Variants in FOXN3 observed in about 807,000 individuals in gnomAD.
FOXN3 encodes the protein forkhead box N3.
FOXN3 carries 7 observed loss-of-function variants against 38.4 expected under a neutral mutation model. The observed-to-expected ratio is 0.18, with a 90% confidence interval of 0.10 to 0.34. The LOEUF (loss-of-function observed/expected upper bound fraction) is 0.34. Ranked by LOEUF, FOXN3 falls within the 10% of genes least tolerant of loss-of-function variation. FOXN3 has a pLI of 1.00. For synonymous variants in FOXN3, 230 were observed against 242.2 expected (o/e 0.95, Z 0.47); for missense variants, 456 against 613.4 (o/e 0.74, Z 2.71).
chr14:89,423,117 T>C (rs1167260785), intron 1 of FOXN3, among the ~76,000 whole-genome samples: 2 of 152,166 alleles, frequency 1.3e-5, no homozygotes, highest in Non-Finnish European at 2.9e-5. Context: ...ACACGGCACC[T>C]GCCCTCAGGG....
intron 1 of FOXN3, among the ~76,000 whole-genome samples, chr14:89,551,621 T>C (rs1221227530): frequency 1.3e-5 from 2 of 152,114 alleles, no homozygotes; most frequent in Non-Finnish European, 2.9e-5. Flanking sequence ...CTCTAGGGCT[T>C]CTGGACGAGT....
intron 1 of FOXN3, among the ~76,000 whole-genome samples, chr14:89,518,881 G>A (rs1894262380): frequency 6.6e-6 from 1 of 152,146 alleles, no homozygotes; most frequent in Non-Finnish European, 1.5e-5. Context: ...CCAGCATGGT[G>A]GTGGGCACCT....
chr14:89,166,444 C>A (rs190595949), intron 5 of FOXN3, among the ~76,000 whole-genome samples: 1 of 152,204 alleles, frequency 6.6e-6, no homozygotes. Flanking sequence ...ACCCAAGTCC[C>A]TATTGGAACA....
intron 1 of FOXN3, among the ~76,000 whole-genome samples, chr14:89,436,894 C>A (rs1486202882): frequency 6.6e-6 from 1 of 152,172 alleles, no homozygotes; most frequent in Non-Finnish European, 1.5e-5. Context: ...CACCTGTAAT[C>A]CCAGCATTTT....
chr14:89,463,346 C>G (rs1255394995), intron 1 of FOXN3, among the ~76,000 whole-genome samples: 1 of 152,090 alleles, frequency 6.6e-6, no homozygotes, highest in Non-Finnish European at 1.5e-5. Flanking sequence ...CAGCAGACCC[C>G]TCGTGGTCCA....
chr14:89,427,301 C>CTTTTTTTTTTTTT (rs34755821), intron 1 of FOXN3, among the ~76,000 whole-genome samples: 6 of 67,744 alleles, frequency 8.9e-5, no homozygotes, highest in Admixed American at 2.4e-4. Flanking sequence ...GAAAAGGGGA[C>CTTTTTTTTTTTTT]TTTTTTTTTT....
At chr14:89,253,411 C>T (rs989872882) in intron 4 of FOXN3, among the ~76,000 whole-genome samples, 3 of 152,194 alleles carry the variant, frequency 2.0e-5, no homozygotes, top group South Asian at 4.2e-4. Flanking sequence ...TTCACCACTC[C>T]GTGAGGCGTG....
At chr14:89,309,556 A>AT (rs3837634) in intron 3 of FOXN3, among the ~76,000 whole-genome samples, 43,447 of 152,088 alleles carry the variant, frequency 0.29, 6,368 homozygotes, top group Admixed American at 0.35. Context: ...ATAACTAACC[A>AT]TTGGAGCAAC....
At chr14:89,383,373 C>G (rs1397013846) in intron 2 of FOXN3, among the ~76,000 whole-genome samples, 2 of 152,186 alleles carry the variant, frequency 1.3e-5, no homozygotes, top group Non-Finnish European at 2.9e-5. Context: ...CGACAAAAAT[C>G]AGAGGTGAGT....
intron 1 of FOXN3, among the ~76,000 whole-genome samples, chr14:89,537,519 C>T (rs1048977719): frequency 5.9e-5 from 9 of 151,962 alleles, no homozygotes; most frequent in African/African-American, 1.9e-4. Flanking sequence ...CCATGAAATG[C>T]TCAATGGATG....
chr14:89,579,564 A>G (rs904518154), intron 1 of FOXN3, among the ~76,000 whole-genome samples: 1 of 152,184 alleles, frequency 6.6e-6, no homozygotes, highest in Non-Finnish European at 1.5e-5. Context: ...CTTGCCCATA[A>G]GCCCTGAGGT....
intron 1 of FOXN3, among the ~76,000 whole-genome samples, chr14:89,481,803 C>T (rs1472043778): frequency 6.6e-6 from 1 of 152,162 alleles, no homozygotes; most frequent in Non-Finnish European, 1.5e-5. Context: ...TCTCAATAAA[C>T]AGTAGCTAAC....
chr14:89,459,486 T>C lies in FOXN3; in HGVS notation c.-14-46996A>G, dbSNP rs2139725044. Among the ~76,000 whole-genome samples the C allele has an allele frequency of 1.3e-5, 2 of 152,238 alleles. 1 individual carries two copies. ...TACTTTACACGTGGGGAAAATGAGC[T>C]CCAGCGAGATTATAGGACTTGATCT... On this transcript the variant is annotated intron_variant, in intron 1 of 6. Coordinates refer to the FOXN3 transcript ENST00000345097.
Position 89,426,623 on chromosome 14 carries a change from C to G in FOXN3, c.-14-14133G>C, listed in dbSNP as rs546013288. ...GAGGACTGACTGCATTTAACAAACA[C>G]CGAAATAGCACTTAACTGGATGCCA... On this transcript the variant is annotated intron_variant, in intron 1 of 6. Transcript: ENST00000345097. Among the ~76,000 whole-genome samples, 22 of 152,300 alleles carry G rather than the reference C, an allele frequency of 1.4e-4. No individual in the cohort carries two copies. The South Asian group carries it at 2.7e-3, about 19-fold the overall frequency.
At chr14:89,165,007 C>T (rs536765182) in intron 5 of FOXN3, among the ~76,000 whole-genome samples, 132 of 152,246 alleles carry the variant, frequency 8.7e-4, no homozygotes, top group Non-Finnish European at 1.8e-3. Context: ...CTGTCGTGTC[C>T]ACCAGCAAAA....
intron 3 of FOXN3, among the ~76,000 whole-genome samples, chr14:89,289,623 T>C (rs1453839335): frequency 6.6e-6 from 1 of 152,242 alleles, no homozygotes; most frequent in Non-Finnish European, 1.5e-5. Context: ...TTTTAGTAAC[T>C]ATAAAGAATA....
Position 89,447,590 on chromosome 14 carries a change from C to T in FOXN3, c.-14-35100G>A, listed in dbSNP as rs577891549. Among the ~76,000 whole-genome samples, 69 of 152,180 alleles carry T rather than the reference C, an allele frequency of 4.5e-4. 1 individual carries two copies. The highest frequency in any genetic ancestry group is 1.6e-3 in the African/African-American group (67 of 41,534). On this transcript the variant is annotated intron_variant, in intron 1 of 6. Coordinates refer to the FOXN3 transcript ENST00000345097. ...CCTAATATTGCCACGAGGAGAAGTA[C>T]CAACTCCCAGCATCCAAATATATAC...
chr14:89,341,127 C>T (rs189056754), intron 3 of FOXN3, among the ~76,000 whole-genome samples: 26 of 152,206 alleles, frequency 1.7e-4, no homozygotes, highest in African/African-American at 4.8e-4. Context: ...AATCTTGGGA[C>T]GACCCTGGCA....
At chr14:89,598,030 A>G (rs1342078059) in intron 1 of FOXN3, among the ~76,000 whole-genome samples, 1 of 151,470 alleles carries the variant, frequency 6.6e-6, no homozygotes, top group African/African-American at 2.4e-5. Context: ...TTATTATTCT[A>G]TTTTCCCTCT....
Sources: allele counts gnomAD v4.1 joint callset (sites outside exome capture counted in the v4.1 genomes callset), GRCh38; gene constraint gnomAD v4.1.1; transcripts MANE v1.5; gene names NCBI Gene and HGNC (gene_info 2026-07-23, HGNC 2026-07-21).